Variants in TMEM127 observed in about 807,000 individuals in gnomAD.
TMEM127 encodes transmembrane protein 127.
Under a neutral mutation model 20.1 loss-of-function variants are expected in TMEM127, and 21 were observed. The ratio of observed to expected loss-of-function variants is 1.04; its 90% confidence interval spans 0.74 to 1.50. TMEM127 has a LOEUF of 1.50. TMEM127 is among the 40% of genes most tolerant of loss of function. The pLI, the probability that TMEM127 is intolerant of heterozygous loss-of-function variation, is 0.00. For missense variants in TMEM127, 303 were observed against 317.4 expected, an observed-to-expected ratio of 0.95 and a Z score of 0.34; for synonymous variants, 150 against 144.7, an observed-to-expected ratio of 1.04 and a Z score of -0.26.
At chr2:96,256,334 G>A (rs1210331017) in intron 2 of TMEM127, among the ~76,000 whole-genome samples, 1 of 151,666 alleles carries the variant, frequency 6.6e-6, no homozygotes, top group African/African-American at 2.4e-5. Context: ...CACTTTGGGA[G>A]GCCAAGGCGG....
In TMEM127 at chr2:96,253,053, T is replaced by C. The variant is rs955103193; in HGVS notation, c.*755A>G. On this transcript the variant is annotated 3_prime_UTR_variant, in exon 4 of 4. Coordinates refer to ENST00000258439, the MANE Select transcript of TMEM127 (RefSeq NM_017849.4). This position sits in a 1 kb window ranked among gnomAD's most constrained non-coding sequence, Gnocchi z 4.3. ...GTTGCTGTTGCCTGGTTTCATTTTTTTCCTTTTAAAACCACTCATATTTAA... is the reference window on the plus strand; with the variant it reads ...GTTGCTGTTGCCTGGTTTCATTTTTCTCCTTTTAAAACCACTCATATTTAA... The C allele has an allele frequency of 4.3e-6, 1 of 233,208 alleles. No individual in the cohort carries two copies. Among genetic ancestry groups the C allele is most frequent in the Non-Finnish European group, 8.5e-6 (1 of 118,044 alleles). The allele number at this position is 233,208 out of a possible 1,614,324, so 14.4% of individuals were successfully genotyped here.
chr2:96,255,523 T>C (rs1684185492), intron 2 of TMEM127, among the ~76,000 whole-genome samples: 1 of 152,182 alleles, frequency 6.6e-6, no homozygotes, highest in African/African-American at 2.4e-5. Flanking sequence ...TATTTTATAA[T>C]TCCACTCATA....
chr2:96,262,780 G>A (rs1333343962), intron 2 of TMEM127, among the ~76,000 whole-genome samples: 1 of 151,600 alleles, frequency 6.6e-6, no homozygotes, highest in African/African-American at 2.4e-5. Flanking sequence ...TCACCTCCCA[G>A]GTTCAAGCGA....
chr2:96,257,740 C>A (rs1217357593), intron 2 of TMEM127, among the ~76,000 whole-genome samples: 3 of 151,998 alleles, frequency 2.0e-5, no homozygotes, highest in Non-Finnish European at 2.9e-5. Context: ...ATGGTGAAAC[C>A]CTGTCTCTAC....
Position 96,265,146 on chromosome 2 carries a change from A to C in TMEM127, c.236T>G (p.Leu79Arg). Residue 79 changes from leucine (L) to arginine (R), a missense_variant, in exon 2 of 4, where the codon CTG becomes CGG. Transcript: ENST00000258439. ...GCGCGCAGCACCCTCACCTTTCAGC[A>C]GGTCCGGGTGCACATAGCCCAACAC... is the stretch of plus-strand genomic sequence containing the variant. ...SDVLGYVHPD[L>R]LKDFCMNPQT... is the part of the protein sequence containing the mutation. 6.2e-7 allele frequency: 1 copy of C among 1,612,028 alleles called. No individual in the cohort carries two copies. Among genetic ancestry groups the C allele is most frequent in the African/African-American group, 1.3e-5 (1 of 75,034 alleles).
At position 96,254,935 on chromosome 2, in the gene TMEM127, C is replaced by A; in HGVS notation, c.307G>T (p.Gly103Cys). Reference sequence around the variant, plus strand: ...AAAGCGGAGAGACTACACAGGATGCCCAGGAAACAGAAGGCGGCGATGACC... The same window carrying A: ...AAAGCGGAGAGACTACACAGGATGCACAGGAAACAGAAGGCGGCGATGACC... Reference protein sequence around the residue: ...LRVIAAFCFLGILCSLSAFLL... With the variant: ...LRVIAAFCFLCILCSLSAFLL... The change falls in exon 3 of 4, where the codon GGC (glycine) becomes TGC (cysteine). Residue 103 changes from glycine (G) to cysteine (C), a missense_variant. Transcript: ENST00000258439. The A allele has an allele frequency of 6.2e-7, 1 of 1,614,192 alleles. No individual in the cohort carries two copies. The highest frequency in any genetic ancestry group is 8.5e-7 in the Non-Finnish European group (1 of 1,180,034).
intron 1 of TMEM127, among the ~76,000 whole-genome samples, 161 bp from the exon 2 acceptor site, chr2:96,265,673 G>A (rs1267039653): frequency 6.6e-6 from 1 of 152,102 alleles, no homozygotes; most frequent in Admixed American, 6.5e-5. Flanking sequence ...GGGCAGACTC[G>A]AGTGGGGGGC....
chr2:96,253,340 AGG>A lies in TMEM127; in HGVS notation c.*466_*467del. On this transcript the variant is annotated 3_prime_UTR_variant, in exon 4 of 4. Coordinates refer to ENST00000258439, the MANE Select transcript of TMEM127 (RefSeq NM_017849.4). The surrounding 1 kb of genome is among the most constrained non-coding windows in gnomAD (Gnocchi z 4.3). ...GGCCTGGGGGCGGGTCACTCCGAGA[AGG>A]AAGGGGTCTGGGGGGCGTCAGCCCA... is the stretch of plus-strand genomic sequence containing the variant. The A allele has an allele frequency of 8.2e-6, 2 of 243,474 alleles. No individual in the cohort carries two copies. Among genetic ancestry groups the A allele is most frequent in the Admixed American group, 5.1e-5 (1 of 19,510 alleles). 15.1% of individuals were successfully genotyped at this position (243,474 alleles called of 1,614,324 possible).
chr2:96,249,780 G>A lies in TMEM127; in HGVS notation c.*4028C>T, dbSNP rs1684049660. ...TGTTCCATTAGTGTAGTGGCTGAGA[G>A]CGTGGATATTTCAGGCAAGATGCCA... On this transcript the variant is annotated 3_prime_UTR_variant, in exon 4 of 4. Coordinates refer to ENST00000258439, the MANE Select transcript of TMEM127 (RefSeq NM_017849.4). 4.3e-6 allele frequency: 1 copy of A among 233,124 alleles called. No individual in the cohort carries two copies. Among genetic ancestry groups the A allele is most frequent in the Non-Finnish European group, 8.5e-6 (1 of 118,040 alleles). The allele number at this position is 233,124 out of a possible 1,614,324, so 14.4% of individuals were successfully genotyped here.
rs3832113 is a variant in TMEM127, at chr2:96,251,704, G to GA, written c.*2103dup. ...TGTTTTCCCTTTTAATTTTTTTCTA[G>GA]AAAAAAAAACACAACCCGGGGAATT... On this transcript the variant is annotated 3_prime_UTR_variant, in exon 4 of 4. Coordinates refer to ENST00000258439, the MANE Select transcript of TMEM127 (RefSeq NM_017849.4). The GA allele has an allele frequency of 2.9e-3, 645 of 222,700 alleles. No individual in the cohort carries two copies. Among genetic ancestry groups the GA allele is most frequent in the Middle Eastern group, 7.8e-3 (6 of 766 alleles). 13.8% of individuals were successfully genotyped at this position (222,700 alleles called of 1,614,324 possible). A position where few individuals can be genotyped will look rare whatever the true frequency, so the allele number is the denominator to read the frequency against.
At chr2:96,263,740 T>A (rs1684357941) in intron 2 of TMEM127, among the ~76,000 whole-genome samples, 1 of 152,170 alleles carries the variant, frequency 6.6e-6, no homozygotes, top group African/African-American at 2.4e-5. Context: ...TTCATTTTTC[T>A]GAGCCACAGC....
intron 2 of TMEM127, among the ~76,000 whole-genome samples, chr2:96,256,389 T>C (rs1473686967): frequency 6.6e-6 from 1 of 151,216 alleles, no homozygotes; most frequent in Non-Finnish European, 1.5e-5. Flanking sequence ...CTGACCAACA[T>C]GGGGAAACCC....
chr2:96,257,756 A>T (rs1036674479), intron 2 of TMEM127, among the ~76,000 whole-genome samples: 1 of 152,050 alleles, frequency 6.6e-6, no homozygotes, highest in Non-Finnish European at 1.5e-5. Context: ...TCTACTAAAA[A>T]TTTAAAAAAT....
Position 96,253,829 on chromosome 2 carries a change from T to C in TMEM127, c.696A>G (p.Pro232=), listed in dbSNP as rs2104282647. The part of the protein sequence containing the change: ...AEYEVINQFQ[P]PPAYTP ...GGCATTAGGGTGTGTAAGCAGGGGG[T>C]GGCTGGAACTGGTTGATGACCTCAT... is the stretch of plus-strand genomic sequence containing the variant. Residue 232 remains proline (P), a synonymous_variant, in exon 4 of 4, where the codon CCA becomes CCG. Transcript: ENST00000258439. The surrounding 1 kb of genome is among the most constrained non-coding windows in gnomAD (Gnocchi z 4.3). 1 of 1,610,410 alleles carries C rather than the reference T, an allele frequency of 6.2e-7. No individual in the cohort carries two copies. The highest frequency in any genetic ancestry group is 8.5e-7 in the Non-Finnish European group (1 of 1,177,036).
In TMEM127 at chr2:96,249,508, C is replaced by T. The variant is rs1684044346; in HGVS notation, c.*4300G>A. 1 of 227,596 alleles carries T rather than the reference C, an allele frequency of 4.4e-6. No individual in the cohort carries two copies. The highest frequency in any genetic ancestry group is 5.7e-5 in the Admixed American group (1 of 17,574). The allele number at this position is 227,596 out of a possible 1,614,324, so 14.1% of individuals were successfully genotyped here. ...GTGCAGTGGCTCAAGCCTGTAATCC[C>T]AACCCTTTGGGAAGGGAGGCAGAAG... On this transcript the variant is annotated 3_prime_UTR_variant, in exon 4 of 4. Coordinates refer to ENST00000258439, the MANE Select transcript of TMEM127 (RefSeq NM_017849.4).
chr2:96,254,266 TG>T, intron 3 of TMEM127, 151 bp from the exon 4 acceptor site: 1 of 1,065,138 alleles, frequency 9.4e-7, no homozygotes, highest in Non-Finnish European at 1.4e-6. Flanking sequence ...CTCTTGACCA[TG>T]GGATTCCTGG....
In TMEM127 at chr2:96,252,714, T is replaced by C; in HGVS notation, c.*1094A>G. 1 of 233,820 alleles carries C rather than the reference T, an allele frequency of 4.3e-6. No homozygotes were observed. The highest frequency in any genetic ancestry group is 8.5e-6 in the Non-Finnish European group (1 of 118,170). 14.5% of individuals were successfully genotyped at this position (233,820 alleles called of 1,614,324 possible). A position where few individuals can be genotyped will look rare whatever the true frequency, so the allele number is the denominator to read the frequency against. ...TGTGGAGGGTGGTGGGTTCCTGCCC[T>C]GTTGTGGCCCCTGTTCCTAAACTGA... is the stretch of plus-strand genomic sequence containing the variant. On this transcript the variant is annotated 3_prime_UTR_variant, in exon 4 of 4. Transcript: ENST00000258439. The surrounding 1 kb of genome is among the most constrained non-coding windows in gnomAD (Gnocchi z 4.2).
intron 2 of TMEM127, among the ~76,000 whole-genome samples, chr2:96,255,963 A>G (rs1032704025): frequency 2.0e-5 from 3 of 151,304 alleles, no homozygotes; most frequent in African/African-American, 7.3e-5. Flanking sequence ...ACCGAGAGAG[A>G]CCCTGTCTCT....
rs987656498 is a variant in TMEM127 at position 96,254,063 on chromosome 2, G to C, written c.462C>G (p.Ile154Met). The change falls in exon 4 of 4, where the codon ATC becomes ATG. Residue 154 changes from isoleucine (I) to methionine (M), a missense_variant. Ile to Met is a conservative substitution (Grantham distance 10). Transcript: ENST00000258439. Reference sequence around the variant, plus strand: ...TCTTATGCTGCTGCTGCTGGGCCAAGATGAGTTCAGAAGCCCAATAAGAAA... The same window carrying C: ...TCTTATGCTGCTGCTGCTGGGCCAACATGAGTTCAGAAGCCCAATAAGAAA... ...IGFSYWASELILAQQQQHKKY... is the reference protein window; with the variant it reads ...IGFSYWASELMLAQQQQHKKY... 8 of 1,614,076 alleles carry C rather than the reference G, an allele frequency of 5.0e-6. No individual in the cohort carries two copies. The highest frequency in any genetic ancestry group is 6.8e-6 in the Non-Finnish European group (8 of 1,180,048).
Sources: gnomAD v4.1 joint callset for allele counts (sites outside exome capture counted in the v4.1 genomes callset) on GRCh38, gnomAD v4.1.1 for gene constraint, Gnocchi (gnomAD v3.1) non-coding constraint, MANE v1.5 for transcripts, NCBI Gene and HGNC (gene_info 2026-07-23, HGNC 2026-07-21) for gene names.